MAPK10: variants seen among roughly 807,000 people sequenced by gnomAD.
MAPK10 encodes the protein mitogen-activated protein kinase 10.
In MAPK10, 25 loss-of-function variants were observed where a neutral mutation model predicts 59.3. The ratio of observed to expected loss-of-function variants is 0.42; its 90% CI spans 0.31 to 0.59. MAPK10 has a LOEUF of 0.59. Among genes scored for constraint, MAPK10 ranks in the 20% least tolerant of loss-of-function variants. The pLI is 0.15. For missense variants in MAPK10, 351 were observed against 568.9 expected (o/e 0.62, Z 3.90); for synonymous variants, 190 against 200.5 (o/e 0.95, Z 0.44).
chr4:86,064,505 A>AAG, intron 10 of MAPK10, 115 bp from the exon 11 acceptor site: 4 of 959,626 alleles, frequency 4.2e-6, no homozygotes, highest in Non-Finnish European at 6.4e-6. Flanking sequence ...TCCAAACATC[A>AAG]GGTAAATCCC....
At chr4:86,110,773 T>C (rs1466278492) in intron 4 of MAPK10, among the ~76,000 whole-genome samples, 2 of 152,190 alleles carry the variant, frequency 1.3e-5, no homozygotes, top group African/African-American at 4.8e-5. Flanking sequence ...GTGAAGAATG[T>C]CAATGGTAGT....
rs1376156770 is a variant in MAPK10, at chr4:86,014,303, G to GGGGTGTGTGTGTGTGTGTGT, written c.*2924_*2925insACACACACACACACACACCC. 6.9e-6 allele frequency: 1 copy of GGGGTGTGTGTGTGTGTGTGT among 143,892 alleles called. No homozygotes were observed. Among genetic ancestry groups the GGGGTGTGTGTGTGTGTGTGT allele is most frequent in the African/African-American group, 2.6e-5 (1 of 38,416 alleles). 8.9% of individuals were successfully genotyped at this position (143,892 alleles called of 1,614,324 possible). On this transcript the variant is annotated 3_prime_UTR_variant, in exon 14 of 14. Coordinates refer to ENST00000641462, the MANE Select transcript of MAPK10 (RefSeq NM_138982.4). ...AGGTGACTATTTAAGAAATATTTGG[G>GGGGTGTGTGTGTGTGTGTGT]GTGTGTGTGTGTGTGTGTGTGTGTG... is the stretch of plus-strand genomic sequence containing the variant.
intron 4 of MAPK10, among the ~76,000 whole-genome samples, chr4:86,116,883 T>C (rs1434156512): frequency 6.6e-6 from 1 of 152,258 alleles, no homozygotes; most frequent in Non-Finnish European, 1.5e-5. Flanking sequence ...TGGCTATTAC[T>C]ATTTTTAAAA....
At chr4:86,046,223 C>T (rs561746163) in intron 11 of MAPK10, among the ~76,000 whole-genome samples, 76 of 151,832 alleles carry the variant, frequency 5.0e-4, no homozygotes, top group Admixed American at 1.6e-3. Flanking sequence ...ATGGGGTTTT[C>T]TAAATATGCA....
intron 1 of MAPK10, among the ~76,000 whole-genome samples, chr4:86,408,865 G>A (rs1208669657): frequency 6.6e-6 from 1 of 152,158 alleles, no homozygotes; most frequent in African/African-American, 2.4e-5. Flanking sequence ...TGTTCACCCT[G>A]ATGGTAGTTT....
chr4:86,367,531 C>T (rs1738093935), intron 1 of MAPK10, among the ~76,000 whole-genome samples: 1 of 152,082 alleles, frequency 6.6e-6, no homozygotes, highest in Non-Finnish European at 1.5e-5. Flanking sequence ...GCAAACCTAC[C>T]CTCAAAGGCC....
intron 1 of MAPK10, among the ~76,000 whole-genome samples, chr4:86,592,721 T>C (rs1273445065): frequency 6.6e-6 from 1 of 152,214 alleles, no homozygotes; most frequent in Non-Finnish European, 1.5e-5. Context: ...TTTCACCACT[T>C]ATCCCTGCTG....
intron 2 of MAPK10, among the ~76,000 whole-genome samples, chr4:86,195,360 A>ATC (rs2081043076): frequency 6.6e-6 from 1 of 151,934 alleles, no homozygotes; most frequent in Admixed American, 6.6e-5. Context: ...GAAAATCACT[A>ATC]TCAGTGCAAA....
At chr4:86,029,074 C>A (rs977270417) in intron 13 of MAPK10, 123 bp downstream of exon 13, 1 of 770,366 alleles carries the variant, frequency 1.3e-6, no homozygotes, top group Non-Finnish European at 2.4e-6. Context: ...TATAAGGACA[C>A]AACCATGTGA....
At chr4:86,508,957 C>T (rs771272393) in intron 1 of MAPK10, among the ~76,000 whole-genome samples, 4 of 152,128 alleles carry the variant, frequency 2.6e-5, no homozygotes, top group Non-Finnish European at 5.9e-5. Context: ...CATTTGAAGT[C>T]CCCAACCTTG....
chr4:86,319,268 C>T lies in MAPK10; in HGVS notation c.-7+35262G>A, dbSNP rs116614809. ...AACTGAGAAGGGTAAAGGGAGAAGC[C>T]GTGCCGGGGCCAGAAGTGAAGAAGA... On this transcript the variant is annotated intron_variant, in intron 2 of 13. Coordinates refer to ENST00000641462, the MANE Select transcript of MAPK10 (RefSeq NM_138982.4). 3.6e-3 allele frequency among the ~76,000 whole-genome samples: 540 copies of T among 152,044 alleles called. 1 individual carries two copies. Among genetic ancestry groups the T allele is most frequent in the African/African-American group, 0.012 (517 of 41,484 alleles).
chr4:86,574,890 T>C (rs150983722), intron 1 of MAPK10, among the ~76,000 whole-genome samples: 1 of 152,278 alleles, frequency 6.6e-6, no homozygotes, highest in African/African-American at 2.4e-5. Context: ...GCAGTTAATA[T>C]ATGATTTAAC....
intron 1 of MAPK10, among the ~76,000 whole-genome samples, chr4:86,485,470 G>A (rs931456155): frequency 6.6e-6 from 1 of 152,112 alleles, no homozygotes; most frequent in Non-Finnish European, 1.5e-5. Context: ...CTTAATAGGT[G>A]TTTAATAAAT....
At chr4:86,091,071 T>C (rs930228430) in intron 9 of MAPK10, 1 of 152,078 alleles carries the variant, frequency 6.6e-6, no homozygotes, top group Non-Finnish European at 1.5e-5. Flanking sequence ...GTATTTATTA[T>C]GTAGAGTTTT....
chr4:86,279,982 AATG>A (rs2148795294), intron 2 of MAPK10, among the ~76,000 whole-genome samples: 1 of 152,340 alleles, frequency 6.6e-6, no homozygotes, highest in South Asian at 2.1e-4. Flanking sequence ...TAAAGACTTA[AATG>A]TAAGATTTCA....
chr4:86,237,082 C>A (rs991443604), intron 2 of MAPK10, among the ~76,000 whole-genome samples: 5 of 152,034 alleles, frequency 3.3e-5, no homozygotes, highest in African/African-American at 9.7e-5. Flanking sequence ...TGAGTGAGAA[C>A]ACGTGGTGTT....
intron 1 of MAPK10, among the ~76,000 whole-genome samples, chr4:86,385,965 A>G (rs1474661513): frequency 1.2e-4 from 18 of 152,222 alleles, no homozygotes; most frequent in Admixed American, 1.1e-3. Context: ...TTAGCCAGGT[A>G]AAGAAAACTC....
chr4:86,170,354 G>A (rs919147537), intron 3 of MAPK10, among the ~76,000 whole-genome samples: 3 of 152,092 alleles, frequency 2.0e-5, no homozygotes, highest in African/African-American at 7.2e-5. Context: ...CAAAATAAAA[G>A]GATGGAGGAA....
intron 4 of MAPK10, among the ~76,000 whole-genome samples, chr4:86,113,059 A>C (rs115607987): frequency 0.024 from 3,557 of 150,644 alleles, 142 homozygotes; most frequent in African/African-American, 0.081. Context: ...TCTGCTTTCC[A>C]TTTACTTGAT....
Sources: allele counts gnomAD v4.1 joint callset (sites outside exome capture counted in the v4.1 genomes callset), GRCh38; gene constraint gnomAD v4.1.1; transcripts MANE v1.5; gene names NCBI Gene and HGNC (gene_info 2026-07-23, HGNC 2026-07-21).